The following SSBP2 variants were observed in gnomAD, a reference collection of about 807,000 sequenced individuals.
SSBP2 encodes the protein single stranded DNA binding protein 2, also known as single-stranded DNA-binding protein 2.
SSBP2 carries 17 observed loss-of-function variants against 61.8 expected under a neutral mutation model. That is an observed-to-expected ratio of 0.28 (90% confidence interval 0.19 to 0.41). The LOEUF (loss-of-function observed/expected upper bound fraction) is 0.41. Ranked by LOEUF, SSBP2 falls within the 10% of genes least tolerant of loss-of-function variation. The pLI is 1.00. For missense variants in SSBP2, 310 were observed against 458.7 expected (o/e 0.68, Z 2.96); for synonymous variants, 139 against 141.3 (o/e 0.98, Z 0.12).
intron 5 of SSBP2, among the ~76,000 whole-genome samples, chr5:81,511,004 G>GCTA (rs1768562545): frequency 6.6e-6 from 1 of 151,926 alleles, no homozygotes; most frequent in South Asian, 2.1e-4. Flanking sequence ...TTCATCACCA[G>GCTA]CTACTCTCCC....
intron 4 of SSBP2, among the ~76,000 whole-genome samples, chr5:81,608,795 T>C (rs1745141338): frequency 1.3e-5 from 2 of 152,150 alleles, no homozygotes; most frequent in Non-Finnish European, 1.5e-5. Context: ...TTGAGTCAGA[T>C]GCAGAAATAG....
At chr5:81,671,633 T>G (rs1272618133) in intron 1 of SSBP2, among the ~76,000 whole-genome samples, 1 of 152,114 alleles carries the variant, frequency 6.6e-6, no homozygotes, top group Non-Finnish European at 1.5e-5. Context: ...ATCAACAGTT[T>G]AGTAAGCTTC....
At chr5:81,719,247 C>A (rs1459088867) in intron 1 of SSBP2, among the ~76,000 whole-genome samples, 1 of 152,174 alleles carries the variant, frequency 6.6e-6, no homozygotes, top group African/African-American at 2.4e-5. Flanking sequence ...CCTTCTGCAG[C>A]CATGAGCAGC....
intron 16 of SSBP2, among the ~76,000 whole-genome samples, chr5:81,426,941 A>AT (rs1761991795): frequency 6.6e-6 from 1 of 152,214 alleles, no homozygotes; most frequent in Non-Finnish European, 1.5e-5. Context: ...TACAGCACTC[A>AT]TTAATCTGAC....
intron 10 of SSBP2, among the ~76,000 whole-genome samples, chr5:81,460,060 C>A (rs1293344429): frequency 6.6e-6 from 1 of 152,192 alleles, no homozygotes; most frequent in Non-Finnish European, 1.5e-5. Context: ...CAGTTATTTA[C>A]TTGAGCTGAA....
chr5:81,662,311 C>A (rs868821876), intron 1 of SSBP2, among the ~76,000 whole-genome samples: 13 of 151,442 alleles, frequency 8.6e-5, no homozygotes, highest in Admixed American at 2.6e-4. Flanking sequence ...ACTAAAAAGA[C>A]AAAAAATTAG....
chr5:81,440,155 A>C (rs1480136518), intron 14 of SSBP2, among the ~76,000 whole-genome samples: 1 of 137,420 alleles, frequency 7.3e-6, no homozygotes, highest in Non-Finnish European at 1.6e-5. Flanking sequence ...GAGAACTGAG[A>C]TTCTTCTGAG....
Position 81,451,585 on chromosome 5 carries a change from C to G in SSBP2, c.688-2760G>C, listed in dbSNP as rs1050575372. On this transcript the variant is annotated intron_variant, in intron 10 of 16. Transcript: ENST00000320672. The stretch of plus-strand genomic sequence containing the variant: ...GGGATTACAGGTGCCTGCTATCACG[C>G]CCGGCTAATTTTTGTATTTTCAGTA... Among the ~76,000 whole-genome samples, 5 of 152,218 alleles carry G rather than the reference C, an allele frequency of 3.3e-5. No homozygotes were observed. In the East Asian group the frequency reaches 9.7e-4, roughly 29 times the overall value.
intron 1 of SSBP2, among the ~76,000 whole-genome samples, chr5:81,731,222 GAAC>G (rs2153991376): frequency 6.6e-6 from 1 of 152,240 alleles, no homozygotes; most frequent in South Asian, 2.1e-4. Flanking sequence ...GTCATTAGCA[GAAC>G]ATCATTATGT....
intron 10 of SSBP2, among the ~76,000 whole-genome samples, chr5:81,459,577 C>A (rs969268968): frequency 1.3e-5 from 2 of 152,126 alleles, no homozygotes; most frequent in African/African-American, 4.8e-5. Flanking sequence ...TGTGCTTTTC[C>A]ATCTAGCTTC....
intron 1 of SSBP2, among the ~76,000 whole-genome samples, chr5:81,681,995 T>C (rs1471437004): frequency 6.6e-6 from 1 of 152,154 alleles, no homozygotes; most frequent in South Asian, 2.1e-4. Context: ...AGTCATAATA[T>C]ACCAAACTCA....
intron 5 of SSBP2, among the ~76,000 whole-genome samples, chr5:81,501,649 G>C (rs1178410169): frequency 6.9e-6 from 1 of 144,802 alleles, no homozygotes; most frequent in African/African-American, 2.5e-5. Context: ...TGCAAGCTCC[G>C]CCTCTCGGGT....
intron 4 of SSBP2, among the ~76,000 whole-genome samples, chr5:81,559,876 G>T (rs1341408345): frequency 6.6e-6 from 1 of 151,866 alleles, no homozygotes; most frequent in Non-Finnish European, 1.5e-5. Flanking sequence ...ATTACATAAG[G>T]CATCAGAAGT....
At chr5:81,486,967 A>G (rs975968755) in intron 6 of SSBP2, among the ~76,000 whole-genome samples, 7 of 152,224 alleles carry the variant, frequency 4.6e-5, no homozygotes, top group African/African-American at 1.7e-4. Flanking sequence ...GCAGATTGAG[A>G]CACCTCAAAG....
At chr5:81,581,659 G>A (rs981580467) in intron 4 of SSBP2, among the ~76,000 whole-genome samples, 3 of 152,142 alleles carry the variant, frequency 2.0e-5, no homozygotes, top group Admixed American at 6.5e-5. Flanking sequence ...GAGTTTATGA[G>A]ATAAAGTGTA....
intron 1 of SSBP2, among the ~76,000 whole-genome samples, chr5:81,697,350 G>T (rs960001901): frequency 1.3e-5 from 2 of 152,202 alleles, no homozygotes; most frequent in African/African-American, 4.8e-5. Context: ...CTTTCAGACT[G>T]AATTGTCTAG....
At position 81,474,163 on chromosome 5, in the gene SSBP2, AAG is replaced by A. The variant is rs1196736589; in HGVS notation, c.499+331_499+332del. ...CCTCTGCTCATCTTTCAGATGGGCT[AAG>A]GCCTCTATCTGAAAAAGGCAAAAGA... On this transcript the variant is annotated intron_variant, in intron 7 of 16. Coordinates refer to ENST00000320672, the MANE Select transcript of SSBP2 (RefSeq NM_012446.5). Among the ~76,000 whole-genome samples, 344 of 152,326 alleles carry A rather than the reference AAG, an allele frequency of 2.3e-3. 1 individual carries two copies. The highest frequency in any genetic ancestry group is 8.0e-3 in the African/African-American group (332 of 41,584).
intron 1 of SSBP2, among the ~76,000 whole-genome samples, chr5:81,724,192 A>G (rs1483253364): frequency 6.6e-6 from 1 of 152,076 alleles, no homozygotes; most frequent in African/African-American, 2.4e-5. Context: ...AATCTTACTG[A>G]AATTTTTACT....
intron 4 of SSBP2, among the ~76,000 whole-genome samples, chr5:81,562,712 AT>A (rs931659905): frequency 6.6e-6 from 1 of 152,186 alleles, no homozygotes; most frequent in African/African-American, 2.4e-5. Flanking sequence ...TTAAAAGTTA[AT>A]TTAACAAGGT....
Sources: gnomAD v4.1 joint callset for allele counts (sites outside exome capture counted in the v4.1 genomes callset) on GRCh38, gnomAD v4.1.1 for gene constraint, MANE v1.5 for transcripts, NCBI Gene and HGNC (gene_info 2026-07-23, HGNC 2026-07-21) for gene names.